The following PRKD3 variants were observed in gnomAD, a reference collection of about 807,000 sequenced individuals.
PRKD3 encodes the protein protein kinase D3.
PRKD3 carries 47 observed loss-of-function variants against 99.2 expected under a neutral mutation model. The ratio of observed to expected loss-of-function variants is 0.47; its 90% CI spans 0.38 to 0.60. The LOEUF is 0.60. PRKD3 is among the 20% of genes least tolerant of loss of function. The probability of loss-of-function intolerance (pLI) is 0.00; values close to 1 mark genes in which losing one functional copy is unlikely to be tolerated. For missense variants in PRKD3, 1,019 were observed against 1,088.4 expected, an observed-to-expected ratio of 0.94 and a Z score of 0.90; for synonymous variants, 392 against 355.4, an observed-to-expected ratio of 1.10 and a Z score of -1.16.
At chr2:37,256,139 G>C (rs1407907895) in intron 17 of PRKD3, among the ~76,000 whole-genome samples, 1 of 152,202 alleles carries the variant, frequency 6.6e-6, no homozygotes, top group East Asian at 1.9e-4. Flanking sequence ...ATTTTAATAG[G>C]AAGGATTGTA....
At chr2:37,281,350 C>T (rs1669849751) in intron 7 of PRKD3, among the ~76,000 whole-genome samples, 1 of 152,006 alleles carries the variant, frequency 6.6e-6, no homozygotes, top group South Asian at 2.1e-4. Context: ...TCAGATTAAC[C>T]GAAAGAGAAA....
chr2:37,288,315 TC>T (rs138531358), intron 5 of PRKD3, among the ~76,000 whole-genome samples: 3,387 of 152,326 alleles, frequency 0.022, 57 homozygotes, highest in Middle Eastern at 0.054. Context: ...CCCCTCATTT[TC>T]AGTCCTTTAT....
At chr2:37,317,265 C>T (rs1360220510) in intron 1 of PRKD3, 86 bp from the exon 2 acceptor site, 1 of 636,940 alleles carries the variant, frequency 1.6e-6, no homozygotes, top group African/African-American at 2.0e-5. Context: ...TTTTAAATGA[C>T]AATTTTTGGT....
At chr2:37,303,919 G>A (rs1671047647) in intron 2 of PRKD3, among the ~76,000 whole-genome samples, 1 of 152,016 alleles carries the variant, frequency 6.6e-6, no homozygotes, top group Non-Finnish European at 1.5e-5. Flanking sequence ...CACCACTCAG[G>A]TCAAGATACA....
chr2:37,270,173 G>C (rs1669134549), intron 12 of PRKD3, among the ~76,000 whole-genome samples: 1 of 151,928 alleles, frequency 6.6e-6, no homozygotes. Flanking sequence ...GTTGTGGTGA[G>C]CCAAGACTGT....
intron 14 of PRKD3, 90 bp from the exon 15 acceptor site, chr2:37,260,474 CAG>C: frequency 8.4e-7 from 1 of 1,191,432 alleles, no homozygotes; most frequent in Non-Finnish European, 1.2e-6. Flanking sequence ...TGAAATGGCA[CAG>C]AAAGAAAGCC....
chr2:37,307,439 T>A (rs1671214239), intron 2 of PRKD3, among the ~76,000 whole-genome samples: 1 of 152,196 alleles, frequency 6.6e-6, no homozygotes, highest in South Asian at 2.1e-4. Context: ...TGGGCACAAC[T>A]AAGGCACCGG....
chr2:37,273,185 A>C (rs776055242), intron 11 of PRKD3, among the ~76,000 whole-genome samples: 16 of 152,158 alleles, frequency 1.1e-4, no homozygotes, highest in Admixed American at 2.0e-4. Context: ...TGCCTGAAAT[A>C]AATCACCTCA....
intron 8 of PRKD3, 128 bp from the exon 9 acceptor site, chr2:37,278,117 A>C (rs1296056245): frequency 9.5e-6 from 6 of 630,840 alleles, no homozygotes; most frequent in Non-Finnish European, 1.5e-5. Context: ...TAAAATAAAC[A>C]ATGGCTGAAG....
intron 2 of PRKD3, among the ~76,000 whole-genome samples, chr2:37,302,300 C>A (rs967737935): frequency 5.3e-5 from 8 of 152,300 alleles, no homozygotes; most frequent in African/African-American, 1.9e-4. Context: ...CCCCTCTTGA[C>A]TGTGCAAAAT....
intron 1 of PRKD3, among the ~76,000 whole-genome samples, chr2:37,319,141 C>G (rs1374731100): frequency 6.6e-6 from 1 of 152,058 alleles, no homozygotes; most frequent in African/African-American, 2.4e-5. Context: ...GTTGAGAAAA[C>G]AAAGGTTTAG....
intron 5 of PRKD3, among the ~76,000 whole-genome samples, chr2:37,287,812 A>T (rs1670195010): frequency 6.6e-6 from 1 of 152,138 alleles, no homozygotes. Flanking sequence ...AAATCTACTT[A>T]CCCCTCAGGT....
chr2:37,287,028 C>G (rs928367438), intron 5 of PRKD3, among the ~76,000 whole-genome samples: 1 of 151,616 alleles, frequency 6.6e-6, no homozygotes. Flanking sequence ...GTCAGGAGTT[C>G]AAGACCAGCC....
intron 2 of PRKD3, among the ~76,000 whole-genome samples, chr2:37,294,107 T>G (rs1482372066): frequency 3.9e-5 from 6 of 152,150 alleles, no homozygotes; most frequent in Non-Finnish European, 8.8e-5. Flanking sequence ...TCTCAAAACC[T>G]TTTTTTGAGA....
intron 14 of PRKD3, among the ~76,000 whole-genome samples, chr2:37,265,479 T>G (rs971030150): frequency 6.6e-5 from 10 of 151,968 alleles, no homozygotes; most frequent in African/African-American, 2.4e-4. Flanking sequence ...CTAAAGTTCA[T>G]CTTTATACTA....
At chr2:37,257,699 C>T (rs1241988464) in intron 16 of PRKD3, among the ~76,000 whole-genome samples, 1 of 140,834 alleles carries the variant, frequency 7.1e-6, no homozygotes, top group East Asian at 2.3e-4. Flanking sequence ...AAAAAAGTTA[C>T]AGTATTTAAA....
chr2:37,274,961 A>T (rs964278863), intron 10 of PRKD3, among the ~76,000 whole-genome samples: 6 of 152,236 alleles, frequency 3.9e-5, no homozygotes, highest in African/African-American at 1.4e-4. Flanking sequence ...ATAGGAGAGT[A>T]ATCTGCCACT....
rs199937584 is a variant in PRKD3, at chr2:37,269,587, C to T, written c.1777+28G>A. The T allele has an allele frequency of 3.3e-5, 52 of 1,574,602 alleles. No homozygotes were observed. In the Admixed American group the frequency reaches 8.5e-4, roughly 26 times the overall value. Reference sequence around the variant, plus strand: ...TTTCCAGTTTTTAAAATAATGTGTACAATATGCAAACGGCTGTAGTTGCTT... The same window carrying T: ...TTTCCAGTTTTTAAAATAATGTGTATAATATGCAAACGGCTGTAGTTGCTT... On this transcript the variant is annotated intron_variant, in intron 13 of 18. Transcript: ENST00000234179.
intron 13 of PRKD3, chr2:37,268,014 TA>T (rs553833869): frequency 1.2e-4 from 22 of 190,544 alleles, no homozygotes; most frequent in Non-Finnish European, 2.0e-4. Flanking sequence ...ATCTAGATAT[TA>T]AAAAAAGGTA....
Sources: allele counts gnomAD v4.1 joint callset (sites outside exome capture counted in the v4.1 genomes callset), GRCh38; gene constraint gnomAD v4.1.1; transcripts MANE v1.5; gene names NCBI Gene and HGNC (gene_info 2026-07-23, HGNC 2026-07-21).